The following C10orf105 variants were observed in gnomAD, a reference collection of about 807,000 sequenced individuals.
C10orf105 encodes chromosome 10 open reading frame 105, also known as uncharacterized protein C10orf105.
In C10orf105, 2 loss-of-function variants were observed where a neutral mutation model predicts 0.6. The observed-to-expected ratio is 3.18, with a 90% CI of 1.30 to 10.01. C10orf105 has a LOEUF of 10.01. Among genes scored for constraint, C10orf105 ranks in the 30% most tolerant of loss-of-function variants. C10orf105 has a pLI of 0.04. For synonymous variants in C10orf105, 95 were observed against 82.4 expected, an observed-to-expected ratio of 1.15 and a Z score of -0.83; for missense variants, 209 against 191.4, an observed-to-expected ratio of 1.09 and a Z score of -0.54.
chr10:71,732,271 C>T lies in C10orf105; in HGVS notation c.-6+5457G>A, dbSNP rs373276722. The T allele has an allele frequency of 5.9e-5, 95 of 1,613,006 alleles. No homozygotes were observed. Among genetic ancestry groups the T allele is most frequent in the Admixed American group, 5.3e-4 (32 of 59,890 alleles). ...TCTGGCACTGGGTACTGAGATTGTG[C>T]GGGTCCAGGCCTACTCCATCGACAA... is the stretch of plus-strand genomic sequence containing the variant. On this transcript the variant is annotated intron_variant, in intron 1 of 1. Transcript: ENST00000398786.
chr10:71,732,139 C>G (rs781496261), intron 1 of C10orf105: 2 of 1,614,034 alleles, frequency 1.2e-6, no homozygotes, highest in South Asian at 2.2e-5. Flanking sequence ...TGACCAGGCC[C>G]CGCCCTTCAA....
At chr10:71,736,908 A>G (rs1194032206) in intron 1 of C10orf105, among the ~76,000 whole-genome samples, 6 of 152,218 alleles carry the variant, frequency 3.9e-5, no homozygotes, top group African/African-American at 1.4e-4. Context: ...TCCCTGAGGA[A>G]GGGACTCAAG....
In C10orf105 at chr10:71,715,893, G is replaced by T. The variant is rs1866195243; in HGVS notation, c.*43C>A. On this transcript the variant is annotated 3_prime_UTR_variant, in exon 2 of 2. Coordinates refer to ENST00000441508, the MANE Select transcript of C10orf105 (RefSeq NM_001164375.3). ...GGTCTCTGAAGCAGGAGGATCTACAGGTAGACCTAGGGGGATGTGGGGGCA... is the reference window on the plus strand; with the variant it reads ...GGTCTCTGAAGCAGGAGGATCTACATGTAGACCTAGGGGGATGTGGGGGCA... 4 of 1,431,948 alleles carry T rather than the reference G, an allele frequency of 2.8e-6. No homozygotes were observed. In the East Asian group the frequency reaches 1.1e-4, roughly 38 times the overall value. The allele number at this position is 1,431,948 out of a possible 1,614,324, so 88.7% of individuals were successfully genotyped here.
chr10:71,721,280 G>T (rs1564756333), upstream of C10orf105, among the ~76,000 whole-genome samples: 1 of 152,174 alleles, frequency 6.6e-6, no homozygotes, highest in Non-Finnish European at 1.5e-5. Context: ...GTTTCTCAGG[G>T]AATGGAGAGA....
chr10:71,717,415 C>T (rs1434781259), intron 1 of C10orf105: 2 of 152,268 alleles, frequency 1.3e-5, no homozygotes, highest in Non-Finnish European at 1.5e-5. Flanking sequence ...GGAAATAAAC[C>T]CACAAGGAGT....
At chr10:71,727,437 C>T (rs1056756453) in intron 1 of C10orf105, among the ~76,000 whole-genome samples, 37 of 152,342 alleles carry the variant, frequency 2.4e-4, no homozygotes, top group Admixed American at 2.2e-3. Flanking sequence ...AGCCTCCACA[C>T]CCATGAGACC....
chr10:71,716,047 G>T lies in C10orf105; in HGVS notation c.291C>A (p.Arg97=). The T allele has an allele frequency of 6.6e-7, 1 of 1,508,210 alleles. No homozygotes were observed. Among genetic ancestry groups the T allele is most frequent in the Non-Finnish European group, 8.9e-7 (1 of 1,125,274 alleles). 93.4% of individuals were successfully genotyped at this position (1,508,210 alleles called of 1,614,324 possible). Residue 97 remains arginine, a synonymous_variant, in exon 2 of 2, where the codon CGC becomes CGA. Transcript: ENST00000441508. The stretch of plus-strand genomic sequence containing the variant: ...CATGGCGGAAGCTGTGCAGGGAGAG[G>T]CGCAAGGAGCCCAGGCGCTTCCAGA... ...LRLWKRLGSL[R]LSLHSFRHGR...
chr10:71,731,864 A>C, intron 1 of C10orf105: 2 of 949,426 alleles, frequency 2.1e-6, no homozygotes, highest in Non-Finnish European at 3.1e-6. Context: ...TCCTGCCGGC[A>C]GAGGTGGGGC....
rs1440438296 is a variant in C10orf105 at position 71,714,059 on chromosome 10, A to C, written c.*1877T>G. On this transcript the variant is annotated 3_prime_UTR_variant, in exon 2 of 2. Transcript: ENST00000441508. ...AGCGAGTTAATATAGGGCAGCCCTG[A>C]GTTCTCCCATTTCTCAGGGAGAAAT... The C allele has an allele frequency of 1.3e-5, 2 of 152,172 alleles. No individual in the cohort carries two copies. Among genetic ancestry groups the C allele is most frequent in the Non-Finnish European group, 2.9e-5 (2 of 68,022 alleles). 9.4% of individuals were successfully genotyped at this position (152,172 alleles called of 1,614,324 possible). A position where few individuals can be genotyped will look rare whatever the true frequency, so the allele number is the denominator to read the frequency against.
chr10:71,723,450 T>A (rs1220694427), upstream of C10orf105, among the ~76,000 whole-genome samples: 1 of 152,030 alleles, frequency 6.6e-6, no homozygotes, highest in East Asian at 1.9e-4. Context: ...CATAAACACA[T>A]AAGCCTGAGT....
rs74147036 is a variant in C10orf105 at position 71,712,871 on chromosome 10, C to G, written c.*3065G>C. On this transcript the variant is annotated 3_prime_UTR_variant, in exon 2 of 2. Coordinates refer to ENST00000441508, the MANE Select transcript of C10orf105 (RefSeq NM_001164375.3). ...GGGCTGGGGGAGGCGGAGCCACACACGGCCCTGAGGGCACATGCTCAGTGG... is the reference window on the plus strand; with the variant it reads ...GGGCTGGGGGAGGCGGAGCCACACAGGGCCCTGAGGGCACATGCTCAGTGG... The G allele has an allele frequency of 1.9e-6, 3 of 1,575,668 alleles. No individual in the cohort carries two copies. Among genetic ancestry groups the G allele is most frequent in the Non-Finnish European group, 2.6e-6 (3 of 1,157,734 alleles).
At position 71,716,087 on chromosome 10, in the gene C10orf105, T is replaced by C. The variant is rs762442680; in HGVS notation, c.251A>G (p.Glu84Gly). 1.8e-5 allele frequency: 28 copies of C among 1,529,166 alleles called. 1 individual carries two copies. Among genetic ancestry groups the C allele is most frequent in the Middle Eastern group, 3.6e-4 (2 of 5,542 alleles). 94.7% of individuals were successfully genotyped at this position (1,529,166 alleles called of 1,614,324 possible). A position where few individuals can be genotyped will look rare whatever the true frequency, so the allele number is the denominator to read the frequency against. ...GCGCTTCCAGAGCCGGAGCTGGGGCTCACTGGGGCTCCCAGGGTGGTGGGG... is the reference window on the plus strand; with the variant it reads ...GCGCTTCCAGAGCCGGAGCTGGGGCCCACTGGGGCTCCCAGGGTGGTGGGG... ...CMPHHPGSPS[E>G]PQLRLWKRLG... Residue 84 changes from glutamate (E) to glycine (G), a missense_variant, in exon 2 of 2, where the codon GAG (glutamate) becomes GGG (glycine). Glu to Gly is a moderately conservative substitution (Grantham distance 98). Coordinates refer to ENST00000441508, the MANE Select transcript of C10orf105 (RefSeq NM_001164375.3).
intron 1 of C10orf105, among the ~76,000 whole-genome samples, chr10:71,724,956 G>C (rs555822102): frequency 1.2e-3 from 178 of 152,336 alleles, no homozygotes; most frequent in African/African-American, 4.0e-3. Flanking sequence ...CTAAATCCTG[G>C]ATTCAACCAC....
chr10:71,713,581 C>T lies in C10orf105; in HGVS notation c.*2355G>A, dbSNP rs1464972994. 2.2e-5 allele frequency: 9 copies of T among 416,172 alleles called. No individual in the cohort carries two copies. Among genetic ancestry groups the T allele is most frequent in the Non-Finnish European group, 3.9e-5 (9 of 228,804 alleles). The allele number at this position is 416,172 out of a possible 1,614,324, so 25.8% of individuals were successfully genotyped here. On this transcript the variant is annotated 3_prime_UTR_variant, in exon 2 of 2. Coordinates refer to ENST00000441508, the MANE Select transcript of C10orf105 (RefSeq NM_001164375.3). Reference sequence around the variant, plus strand: ...GGGCTGGGGAGCAGGGAGCTGACTCCCAGAAACACAGAGAGCCCAGAAAGC... The same window carrying T: ...GGGCTGGGGAGCAGGGAGCTGACTCTCAGAAACACAGAGAGCCCAGAAAGC...
chr10:71,721,562 C>T (rs1866556405), upstream of C10orf105, among the ~76,000 whole-genome samples: 1 of 152,172 alleles, frequency 6.6e-6, no homozygotes, highest in South Asian at 2.1e-4. Flanking sequence ...GTGACAAAGC[C>T]TAAATTCATG....
upstream of C10orf105, among the ~76,000 whole-genome samples, chr10:71,721,300 G>T (rs1382913097): frequency 1.3e-5 from 2 of 152,170 alleles, no homozygotes; most frequent in African/African-American, 2.4e-5. Flanking sequence ...AGAAAGAACT[G>T]CACGGCAAGG....
chr10:71,713,539 A>G lies in C10orf105; in HGVS notation c.*2397T>C. The G allele has an allele frequency of 2.0e-6, 1 of 502,054 alleles. No individual in the cohort carries two copies. Among genetic ancestry groups the G allele is most frequent in the Non-Finnish European group, 3.6e-6 (1 of 279,646 alleles). 31.1% of individuals were successfully genotyped at this position (502,054 alleles called of 1,614,324 possible). The stretch of plus-strand genomic sequence containing the variant: ...ATGCTCCCCTCCCTGCATCGGGACC[A>G]GGAGGCGGGCAGGAAAGGGCTGGGG... On this transcript the variant is annotated 3_prime_UTR_variant, in exon 2 of 2. Coordinates refer to ENST00000441508, the MANE Select transcript of C10orf105 (RefSeq NM_001164375.3).
upstream of C10orf105, chr10:71,724,210 A>T: frequency 8.1e-7 from 1 of 1,234,800 alleles, no homozygotes; most frequent in East Asian, 2.5e-5. Flanking sequence ...GAGAACCCCC[A>T]GGGCCATATA....
At chr10:71,734,370 A>G (rs769942737) in intron 1 of C10orf105, 2 of 1,579,606 alleles carry the variant, frequency 1.3e-6, no homozygotes, top group South Asian at 2.3e-5. Context: ...AGAGTCCCTC[A>G]GGTGCGGCCC....
Sources: gnomAD v4.1 joint callset for allele counts (sites outside exome capture counted in the v4.1 genomes callset) on GRCh38, gnomAD v4.1.1 for gene constraint, MANE v1.5 for transcripts, NCBI Gene and HGNC (gene_info 2026-07-23, HGNC 2026-07-21) for gene names.